The following PDE5A variants were observed in gnomAD, a reference collection of about 807,000 sequenced individuals.
PDE5A encodes phosphodiesterase 5A.
A neutral mutation model predicts 110.2 loss-of-function variants in PDE5A; 67 were observed. That is an observed-to-expected ratio of 0.61 (90% CI 0.50 to 0.75). The LOEUF (loss-of-function observed/expected upper bound fraction) is 0.75. PDE5A is among the 30% of genes least tolerant of loss of function. The pLI is 0.00. For missense variants in PDE5A, 862 were observed against 1,045.1 expected, an observed-to-expected ratio of 0.82 and a Z score of 2.42; for synonymous variants, 328 against 351.2, an observed-to-expected ratio of 0.93 and a Z score of 0.74.
At chr4:119,582,469 C>G (rs1728620827) in intron 3 of PDE5A, among the ~76,000 whole-genome samples, 1 of 152,176 alleles carries the variant, frequency 6.6e-6, no homozygotes, top group African/African-American at 2.4e-5. Flanking sequence ...AGGCTGGAAT[C>G]AACTTCTTCC....
At chr4:119,559,321 AT>A (rs1727661192) in intron 7 of PDE5A, among the ~76,000 whole-genome samples, 1 of 152,202 alleles carries the variant, frequency 6.6e-6, no homozygotes, top group South Asian at 2.1e-4. Flanking sequence ...TAAGAAAAAA[AT>A]CAAAAGCCAA....
chr4:119,605,074 A>G (rs188716992), intron 2 of PDE5A, among the ~76,000 whole-genome samples: 13 of 152,240 alleles, frequency 8.5e-5, no homozygotes, highest in Admixed American at 7.2e-4. Flanking sequence ...CCAAAGCACA[A>G]TTTAAATCAT....
At chr4:119,538,920 T>C (rs1272082493) in intron 11 of PDE5A, 40 bp downstream of exon 11, 1 of 1,473,846 alleles carries the variant, frequency 6.8e-7, no homozygotes, top group East Asian at 2.3e-5. Flanking sequence ...AAATTAGGTG[T>C]CTGTAATTAG....
intron 6 of PDE5A, 140 bp from the exon 7 acceptor site, chr4:119,560,503 C>A: frequency 4.5e-6 from 2 of 440,746 alleles, no homozygotes; most frequent in Non-Finnish European, 8.1e-6. Context: ...ACAAAATAGA[C>A]CCAAGTACTC....
At chr4:119,528,164 AAT>A (rs1259131509) in intron 11 of PDE5A, among the ~76,000 whole-genome samples, 1 of 152,100 alleles carries the variant, frequency 6.6e-6, no homozygotes, top group Non-Finnish European at 1.5e-5. Context: ...CACTCAAACT[AAT>A]AAACTAGTGG....
chr4:119,553,164 G>A (rs1305217044), intron 8 of PDE5A, among the ~76,000 whole-genome samples: 6 of 152,096 alleles, frequency 3.9e-5, no homozygotes, highest in Admixed American at 6.5e-5. Context: ...GAAGAGGTGA[G>A]AGAAAATACT....
chr4:119,592,544 G>A (rs1205648914), intron 3 of PDE5A, among the ~76,000 whole-genome samples: 5 of 145,722 alleles, frequency 3.4e-5, no homozygotes, highest in African/African-American at 1.3e-4. Flanking sequence ...TCCCTTATCC[G>A]AAATGCTCGG....
At chr4:119,553,588 G>A (rs201314043) in intron 8 of PDE5A, 50 bp downstream of exon 8, 7 of 874,358 alleles carry the variant, frequency 8.0e-6, no homozygotes, top group Middle Eastern at 2.1e-4. Flanking sequence ...AAGTACAGAT[G>A]TGATGGGAAA....
At position 119,538,971 on chromosome 4, in the gene PDE5A, G is replaced by T. The variant is rs760762013; in HGVS notation, c.1621C>A (p.Gln541Lys). The T allele has an allele frequency of 3.1e-6, 5 of 1,612,016 alleles. No individual in the cohort carries two copies. Among genetic ancestry groups the T allele is most frequent in the Non-Finnish European group, 4.2e-6 (5 of 1,178,306 alleles). ...SAAEEETRELQSLAAAVVPSA... is the reference protein window; with the variant it reads ...SAAEEETRELKSLAAAVVPSA... ...AAGAGGATAATTACCGCTAACGACTGTAGCTCTCTTGTTTCTTCCTCTGCT... is the reference window on the plus strand; with the variant it reads ...AAGAGGATAATTACCGCTAACGACTTTAGCTCTCTTGTTTCTTCCTCTGCT... The change falls in exon 11 of 21, where the codon CAG (glutamine) becomes AAG (lysine). Residue 541 changes from glutamine to lysine, a missense_variant. Physicochemically the swap from Gln to Lys is moderately conservative, Grantham distance 53. Transcript: ENST00000354960.
In PDE5A at chr4:119,514,269, T is replaced by C. The variant is rs539497326; in HGVS notation, c.2001-3135A>G. ...GAAAGCCTTAGAAATCTATAGAAAATGAAAGCCCCATGGGGGTGGGAAACT... is the reference window on the plus strand; with the variant it reads ...GAAAGCCTTAGAAATCTATAGAAAACGAAAGCCCCATGGGGGTGGGAAACT... On this transcript the variant is annotated intron_variant, in intron 14 of 20. Transcript: ENST00000354960. Among the ~76,000 whole-genome samples the C allele has an allele frequency of 2.6e-5, 4 of 152,238 alleles. No individual in the cohort carries two copies. In the East Asian group the frequency reaches 7.7e-4, roughly 29 times the overall value.
At chr4:119,551,184 C>T (rs1489811271) in intron 9 of PDE5A, among the ~76,000 whole-genome samples, 1 of 152,066 alleles carries the variant, frequency 6.6e-6, no homozygotes, top group African/African-American at 2.4e-5. Flanking sequence ...ATTTATAAAA[C>T]CAAAATAGTA....
At position 119,498,386 on chromosome 4, in the gene PDE5A, T is replaced by C; in HGVS notation, c.*215A>G. Reference sequence around the variant, plus strand: ...TGCTAACAGTGGATGTTGTTGATCCTTTCAGTTCAGTAGCATAAAACAAAT... The same window carrying C: ...TGCTAACAGTGGATGTTGTTGATCCCTTCAGTTCAGTAGCATAAAACAAAT... On this transcript the variant is annotated 3_prime_UTR_variant, in exon 21 of 21. Coordinates refer to ENST00000354960, the MANE Select transcript of PDE5A (RefSeq NM_001083.4). The C allele has an allele frequency of 1.9e-6, 1 of 520,734 alleles. No individual in the cohort carries two copies. The highest frequency in any genetic ancestry group is 3.0e-5 in the South Asian group (1 of 33,042). 32.3% of individuals were successfully genotyped at this position (520,734 alleles called of 1,614,324 possible).
chr4:119,570,333 C>T (rs1728096191), intron 3 of PDE5A, among the ~76,000 whole-genome samples: 1 of 152,154 alleles, frequency 6.6e-6, no homozygotes, highest in African/African-American at 2.4e-5. Flanking sequence ...AAGTATATCT[C>T]AGACTCCATG....
Position 119,588,170 on chromosome 4 carries a change from CTTTTTTTTTTT to C in PDE5A, c.831+8342_831+8352del, listed in dbSNP as rs11297755. Among the ~76,000 whole-genome samples the C allele has an allele frequency of 8.5e-5, 11 of 129,076 alleles. No individual in the cohort carries two copies. The East Asian group carries it at 2.1e-3, about 24-fold the overall frequency. 84.7% of individuals were successfully genotyped at this position (129,076 alleles called of 152,430 possible). A position where few individuals can be genotyped will look rare whatever the true frequency, so the allele number is the denominator to read the frequency against. On this transcript the variant is annotated intron_variant, in intron 3 of 20. Coordinates refer to ENST00000354960, the MANE Select transcript of PDE5A (RefSeq NM_001083.4). ...ACAAGAGCTACCTCTCCAATTTTTT[CTTTTTTTTTTT>C]TTTTTTTGAGACGGAGTCTCACTCA...
At chr4:119,596,895 T>G (rs1461528247) in intron 2 of PDE5A, among the ~76,000 whole-genome samples, 1 of 152,148 alleles carries the variant, frequency 6.6e-6, no homozygotes, top group African/African-American at 2.4e-5. Flanking sequence ...TTAACCACTT[T>G]AGATAGCTGT....
chr4:119,581,621 G>C (rs1341505683), intron 3 of PDE5A, among the ~76,000 whole-genome samples: 1 of 152,150 alleles, frequency 6.6e-6, no homozygotes, highest in Admixed American at 6.5e-5. Context: ...TGTCTCACTA[G>C]CGAAACTCCT....
At chr4:119,606,595 A>C (rs1257931630) in intron 2 of PDE5A, 114 bp downstream of exon 2, 1 of 690,698 alleles carries the variant, frequency 1.4e-6, no homozygotes, top group Non-Finnish European at 2.5e-6. Context: ...ATTACATCTC[A>C]GTTTCAAATA....
chr4:119,577,161 C>T (rs181923349), intron 3 of PDE5A, among the ~76,000 whole-genome samples: 2 of 151,776 alleles, frequency 1.3e-5, no homozygotes, highest in Non-Finnish European at 2.9e-5. Flanking sequence ...TCTGAATAGA[C>T]CAATAATAGG....
Position 119,542,708 on chromosome 4 carries a change from C to T in PDE5A, c.1397-74G>A, listed in dbSNP as rs1338907924. ...TTTTTGTGGACTTTAACAAACACAC[C>T]CAAAGATTGTCTTACACTTTTCTCT... is the stretch of plus-strand genomic sequence containing the variant. On this transcript the variant is annotated intron_variant, in intron 9 of 20. Transcript: ENST00000354960. 5 of 1,278,482 alleles carry T rather than the reference C, an allele frequency of 3.9e-6. No homozygotes were observed. In the East Asian group the frequency reaches 1.2e-4, roughly 30 times the overall value. The allele number at this position is 1,278,482 out of a possible 1,614,324, so 79.2% of individuals were successfully genotyped here.
Sources: allele counts gnomAD v4.1 joint callset (sites outside exome capture counted in the v4.1 genomes callset), GRCh38; gene constraint gnomAD v4.1.1; transcripts MANE v1.5; gene names NCBI Gene and HGNC (gene_info 2026-07-23, HGNC 2026-07-21).